PDE11A: variants seen among roughly 807,000 people sequenced by gnomAD.
PDE11A encodes the protein dual 3',5'-cyclic-AMP and -GMP phosphodiesterase 11A.
A neutral mutation model predicts 100.5 loss-of-function variants in PDE11A; 100 were observed. The observed-to-expected ratio is 1.00, with a 90% confidence interval of 0.85 to 1.18. PDE11A has a LOEUF of 1.18. Among genes scored for constraint, PDE11A ranks in the 50% most tolerant of loss-of-function variants. PDE11A has a pLI of 0.00. For synonymous variants in PDE11A, 381 were observed against 420.8 expected (o/e 0.91, Z 1.16); for missense variants, 1,141 against 1,152.6 (o/e 0.99, Z 0.15).
At chr2:177,726,730 A>C (rs2081605281) in intron 12 of PDE11A, among the ~76,000 whole-genome samples, 1 of 149,144 alleles carries the variant, frequency 6.7e-6, no homozygotes, top group South Asian at 2.1e-4. Flanking sequence ...AATGCATTTC[A>C]TTTGGCGTTC....
In PDE11A at chr2:177,667,962, C is replaced by T. The variant is rs1054919645; in HGVS notation, c.2562+1531G>A. Among the ~76,000 whole-genome samples the T allele has an allele frequency of 2.6e-5, 4 of 152,274 alleles. No individual in the cohort carries two copies. The East Asian group carries it at 5.8e-4, about 22-fold the overall frequency. On this transcript the variant is annotated intron_variant, in intron 18 of 19. Coordinates refer to ENST00000286063, the MANE Select transcript of PDE11A (RefSeq NM_016953.4). ...TATCAAGGGATAATGGGCACAGCAG[C>T]TGTCAGCTCTGGGTGCATGCATTTA...
At chr2:177,910,584 AG>A (rs1198860082) in intron 2 of PDE11A, among the ~76,000 whole-genome samples, 2 of 152,174 alleles carry the variant, frequency 1.3e-5, no homozygotes, top group African/African-American at 4.8e-5. Context: ...TTAATGACTA[AG>A]AAGCAAATGA....
chr2:178,030,181 T>A (rs1017614163), intron 1 of PDE11A, among the ~76,000 whole-genome samples: 5 of 152,114 alleles, frequency 3.3e-5, no homozygotes, highest in Non-Finnish European at 7.4e-5. Flanking sequence ...GAGAGAGGCC[T>A]TATATTTTAA....
At chr2:177,691,426 G>A (rs1028168683) in intron 15 of PDE11A, among the ~76,000 whole-genome samples, 3 of 152,164 alleles carry the variant, frequency 2.0e-5, no homozygotes, top group Non-Finnish European at 4.4e-5. Context: ...CACTTAGCAT[G>A]CTAACACAAA....
chr2:177,714,613 G>A (rs1472275531), intron 12 of PDE11A, among the ~76,000 whole-genome samples: 1 of 152,070 alleles, frequency 6.6e-6, no homozygotes, highest in Non-Finnish European at 1.5e-5. Context: ...TGAGTTTATG[G>A]TCACCCTCCC....
At chr2:177,917,583 G>T (rs13022684) in intron 2 of PDE11A, among the ~76,000 whole-genome samples, 2 of 152,224 alleles carry the variant, frequency 1.3e-5, no homozygotes, top group South Asian at 2.1e-4. Context: ...CTACATTTGC[G>T]TGAGCATTTT....
chr2:177,740,251 C>T (rs996345190), intron 10 of PDE11A, among the ~76,000 whole-genome samples: 1 of 152,072 alleles, frequency 6.6e-6, no homozygotes, highest in African/African-American at 2.4e-5. Context: ...TTTGAATAAC[C>T]CACATACAAA....
chr2:178,005,392 G>T (rs1340040631), intron 2 of PDE11A, among the ~76,000 whole-genome samples: 1 of 152,156 alleles, frequency 6.6e-6, no homozygotes, highest in Admixed American at 6.5e-5. Flanking sequence ...GCTCATGCCT[G>T]TAATCCCAGC....
At chr2:178,102,709 C>T (rs1314617224) in intron 2 of PDE11A, among the ~76,000 whole-genome samples, 1 of 152,116 alleles carries the variant, frequency 6.6e-6, no homozygotes, top group East Asian at 1.9e-4. Flanking sequence ...CATGTGTGTG[C>T]CACCATGTTT....
intron 9 of PDE11A, among the ~76,000 whole-genome samples, chr2:177,782,581 T>C (rs2082469361): frequency 1.3e-5 from 2 of 152,206 alleles, no homozygotes; most frequent in African/African-American, 2.4e-5. Context: ...TATATTCTCA[T>C]CTTGGCCTTT....
chr2:177,680,881 G>C lies in PDE11A; in HGVS notation c.2368C>G (p.Leu790Val). 2.5e-6 allele frequency: 4 copies of C among 1,586,824 alleles called. No homozygotes were observed. In the South Asian group the frequency reaches 4.4e-5, roughly 18 times the overall value. ...CAATCGTATTCTCCTTTACTGACAA[G>C]TTCAAAGAATTCAGTTCTCCTCCTG... The part of the protein sequence containing the change: ...YFERRTEFFE[L>V]VSKGEYDWNI... The change falls in exon 16 of 20, where the codon CTT becomes GTT. Residue 790 changes from leucine to valine, a missense_variant. Coordinates refer to ENST00000286063, the MANE Select transcript of PDE11A (RefSeq NM_016953.4).
chr2:177,725,805 G>T (rs2081591655), intron 12 of PDE11A, among the ~76,000 whole-genome samples: 1 of 152,074 alleles, frequency 6.6e-6, no homozygotes, highest in Admixed American at 6.6e-5. Context: ...TGCTGCTCTT[G>T]CCAGTTTCCC....
chr2:177,685,423 C>T (rs575134392), intron 15 of PDE11A, among the ~76,000 whole-genome samples: 2 of 152,304 alleles, frequency 1.3e-5, no homozygotes, highest in East Asian at 3.9e-4. Context: ...TCTGACTCAC[C>T]TTCCACTAAC....
intron 1 of PDE11A, among the ~76,000 whole-genome samples, chr2:178,048,384 A>G (rs1481742963): frequency 2.0e-5 from 3 of 152,274 alleles, no homozygotes; most frequent in African/African-American, 7.2e-5. Flanking sequence ...TGTTCCGTGT[A>G]TAACAATCTG....
At chr2:177,838,342 A>G (rs1427867970) in intron 6 of PDE11A, among the ~76,000 whole-genome samples, 3 of 151,938 alleles carry the variant, frequency 2.0e-5, no homozygotes, top group Non-Finnish European at 4.4e-5. Context: ...CTGTCTGTCT[A>G]CATAATCATA....
intron 5 of PDE11A, among the ~76,000 whole-genome samples, chr2:177,842,680 A>G (rs187177978): frequency 6.6e-5 from 10 of 152,366 alleles, no homozygotes; most frequent in Admixed American, 5.2e-4. Flanking sequence ...CACAGAAGTC[A>G]TGCAGGTGGG....
chr2:177,833,258 G>A (rs949360249), intron 6 of PDE11A, among the ~76,000 whole-genome samples: 3 of 152,158 alleles, frequency 2.0e-5, no homozygotes, highest in African/African-American at 4.8e-5. Flanking sequence ...GGGAGGACCT[G>A]GTGACTATAT....
At position 177,727,789 on chromosome 2, in the gene PDE11A, G is replaced by A. The variant is rs564155814; in HGVS notation, c.1936-24C>T. On this transcript the variant is annotated intron_variant, in intron 11 of 19. Transcript: ENST00000286063. Reference sequence around the variant, plus strand: ...GTCTGAAATGGGAGGGAGAGGGTGCGTCAGGCAGTTGTAAGTGATTCTAGT... The same window carrying A: ...GTCTGAAATGGGAGGGAGAGGGTGCATCAGGCAGTTGTAAGTGATTCTAGT... The A allele has an allele frequency of 3.2e-5, 45 of 1,389,860 alleles. No individual in the cohort carries two copies. In the East Asian group the frequency reaches 8.4e-4, roughly 26 times the overall value. The allele number at this position is 1,389,860 out of a possible 1,614,324, so 86.1% of individuals were successfully genotyped here.
intron 10 of PDE11A, among the ~76,000 whole-genome samples, chr2:177,758,296 CAAAAAAA>C (rs78765770): frequency 3.1e-5 from 2 of 65,006 alleles, no homozygotes; most frequent in Non-Finnish European, 6.5e-5. Context: ...GACTCCGTCT[CAAAAAAA>C]AAAAAAAAAA....
Sources: gnomAD v4.1 joint callset for allele counts (sites outside exome capture counted in the v4.1 genomes callset) on GRCh38, gnomAD v4.1.1 for gene constraint, MANE v1.5 for transcripts, NCBI Gene and HGNC (gene_info 2026-07-23, HGNC 2026-07-21) for gene names.